The following RASSF3 variants were observed in gnomAD, a reference collection of about 807,000 sequenced individuals.
RASSF3 encodes the protein ras association domain-containing protein 3.
Under a neutral mutation model 19.9 loss-of-function variants are expected in RASSF3, and 19 were observed. The ratio of observed to expected loss-of-function variants is 0.96; its 90% CI spans 0.67 to 1.40. The LOEUF (loss-of-function observed/expected upper bound fraction) is 1.40. RASSF3 is among the 40% of genes most tolerant of loss of function. The pLI is 0.00. For missense variants in RASSF3, 306 were observed against 289.8 expected (o/e 1.06, Z -0.41); for synonymous variants, 110 against 104.2 (o/e 1.06, Z -0.34).
At chr12:64,542,769 AGCATGCTGGCAGCCCTCGCTCGCTCTTG>A (rs1264510030), downstream of RASSF3, among the ~76,000 whole-genome samples, 3 of 152,196 alleles carry the variant, frequency 2.0e-5, no homozygotes, top group Non-Finnish European at 4.4e-5. Context: ...GAGAGGTGAC[AGCATGCTGGCAGCCCTCGCTCGCTCTTG>A]GCGCCTCCTC....
chr12:64,677,113 G>C lies in RASSF3; in HGVS notation c.112-7674G>C, dbSNP rs1872935839. Among the ~76,000 whole-genome samples, 3 of 152,160 alleles carry C rather than the reference G, an allele frequency of 2.0e-5. No homozygotes were observed. In the South Asian group the frequency reaches 6.2e-4, roughly 32 times the overall value. On this transcript the variant is annotated intron_variant, in intron 1 of 4. Transcript: ENST00000542104. ...TCCTGTTTCACATCGTTTTATGTGGGGTTTTTCCTTCCTCATTCTTCATTT... is the reference window on the plus strand; with the variant it reads ...TCCTGTTTCACATCGTTTTATGTGGCGTTTTTCCTTCCTCATTCTTCATTT...
intron 1 of RASSF3, among the ~76,000 whole-genome samples, chr12:64,517,967 T>C (rs1280839105): frequency 2.0e-5 from 3 of 152,054 alleles, no homozygotes; most frequent in Non-Finnish European, 2.9e-5. Flanking sequence ...TTCTAGACAT[T>C]GGTTACTCTG....
At chr12:64,648,043 A>C (rs1871802921) in intron 1 of RASSF3, among the ~76,000 whole-genome samples, 1 of 152,222 alleles carries the variant, frequency 6.6e-6, no homozygotes, top group African/African-American at 2.4e-5. Flanking sequence ...TTTGTGTAGC[A>C]GAAGATGTTT....
chr12:64,528,269 T>C (rs1383673653), upstream of RASSF3, among the ~76,000 whole-genome samples: 3 of 152,150 alleles, frequency 2.0e-5, no homozygotes. Flanking sequence ...CACAAGACCC[T>C]GTCTCAAAAA....
At chr12:64,605,717 C>G (rs546604050), upstream of RASSF3, among the ~76,000 whole-genome samples, 1 of 152,006 alleles carries the variant, frequency 6.6e-6, no homozygotes, top group East Asian at 1.9e-4. Context: ...TGGAGAAACC[C>G]CATCTCTACT....
chr12:64,595,064 C>CTTTTTTTTTTTTTTT (rs1171762487), intron 2 of RASSF3, among the ~76,000 whole-genome samples: 2 of 90,950 alleles, frequency 2.2e-5, no homozygotes, highest in Non-Finnish European at 4.0e-5. Flanking sequence ...CATATGAAAT[C>CTTTTTTTTTTTTTTT]TTTTTTTTTT....
chr12:64,643,844 G>A (rs1320975625), intron 1 of RASSF3, among the ~76,000 whole-genome samples: 1 of 152,162 alleles, frequency 6.6e-6, no homozygotes, highest in Non-Finnish European at 1.5e-5. Context: ...TTATCTCAGA[G>A]TTTCATTTGT....
At chr12:64,570,659 T>C (rs946122539) in intron 2 of RASSF3, among the ~76,000 whole-genome samples, 24 of 152,334 alleles carry the variant, frequency 1.6e-4, no homozygotes, top group African/African-American at 5.5e-4. Flanking sequence ...AAATTGTCTT[T>C]CTAAGAGCTG....
intron 1 of RASSF3, among the ~76,000 whole-genome samples, chr12:64,512,969 A>G (rs1386733367): frequency 6.6e-6 from 1 of 152,160 alleles, no homozygotes. Context: ...GCCCTCATCC[A>G]TAAAGTGAAG....
chr12:64,688,369 A>T lies in RASSF3; in HGVS notation c.373A>T (p.Ile125Phe). The T allele has an allele frequency of 1.9e-6, 3 of 1,614,228 alleles. No homozygotes were observed. Among genetic ancestry groups the T allele is most frequent in the Middle Eastern group, 1.6e-4 (1 of 6,062 alleles). ...CAGCACAAACACTGTCGGGGAAGTGATCGAGGCCCTGCTCAAAAAGTTTCT... is the reference window on the plus strand; with the variant it reads ...CAGCACAAACACTGTCGGGGAAGTGTTCGAGGCCCTGCTCAAAAAGTTTCT... ...ISSTNTVGEV[I>F]EALLKKFLVT... is the part of the protein sequence containing the mutation. Residue 125 changes from isoleucine to phenylalanine, a missense_variant, in exon 3 of 5, where the codon ATC (isoleucine) becomes TTC (phenylalanine). By Grantham distance (21) the Ile-to-Phe change is conservative. Coordinates refer to ENST00000542104, the MANE Select transcript of RASSF3 (RefSeq NM_178169.4).
chr12:64,570,519 TG>T (rs1413269391), intron 2 of RASSF3, among the ~76,000 whole-genome samples: 1 of 152,072 alleles, frequency 6.6e-6, no homozygotes, highest in Non-Finnish European at 1.5e-5. Flanking sequence ...GCCTCTGAAA[TG>T]TGTTTTGCAT....
chr12:64,647,431 G>A (rs1272334633), intron 1 of RASSF3, among the ~76,000 whole-genome samples: 1 of 146,620 alleles, frequency 6.8e-6, no homozygotes, highest in Non-Finnish European at 1.5e-5. Context: ...TTTTTGGTGA[G>A]ACGGGGTCTT....
chr12:64,679,097 G>A (rs749759626), intron 1 of RASSF3, among the ~76,000 whole-genome samples: 3 of 152,188 alleles, frequency 2.0e-5, no homozygotes, highest in Non-Finnish European at 4.4e-5. Context: ...CAGAGTTGCT[G>A]TGTTGTCCAG....
chr12:64,694,686 G>C, intron 4 of RASSF3, 77 bp from the exon 5 acceptor site: 1 of 1,525,108 alleles, frequency 6.6e-7, no homozygotes, highest in African/African-American at 1.4e-5. Flanking sequence ...CCGCACCTCT[G>C]GGAGCTCCTG....
chr12:64,598,867 T>C (rs1386580227), intron 2 of RASSF3, among the ~76,000 whole-genome samples: 1 of 151,040 alleles, frequency 6.6e-6, no homozygotes, highest in African/African-American at 2.4e-5. Flanking sequence ...TAGGTATATC[T>C]CCTAATGCTA....
intron 1 of RASSF3, among the ~76,000 whole-genome samples, chr12:64,513,187 G>A (rs1490193269): frequency 1.3e-5 from 2 of 152,122 alleles, no homozygotes; most frequent in African/African-American, 2.4e-5. Context: ...GCTCACACCT[G>A]TAATCTCAGC....
intron 1 of RASSF3, among the ~76,000 whole-genome samples, chr12:64,631,929 C>T (rs1871182569): frequency 6.6e-6 from 1 of 152,078 alleles, no homozygotes; most frequent in Admixed American, 6.5e-5. Context: ...GACTGAGTGT[C>T]AGGGGAGTGA....
intron 1 of RASSF3, among the ~76,000 whole-genome samples, chr12:64,652,711 G>A (rs1364251914): frequency 6.6e-6 from 1 of 152,050 alleles, no homozygotes; most frequent in Non-Finnish European, 1.5e-5. Context: ...ATATATGATG[G>A]AATTATGTAG....
intron 1 of RASSF3, among the ~76,000 whole-genome samples, chr12:64,616,524 T>C (rs1870557314): frequency 6.6e-6 from 1 of 152,184 alleles, no homozygotes; most frequent in Non-Finnish European, 1.5e-5. Context: ...TGTCTTTCAA[T>C]AAAGGCCCCA....
Sources: gnomAD v4.1 joint callset for allele counts (sites outside exome capture counted in the v4.1 genomes callset) on GRCh38, gnomAD v4.1.1 for gene constraint, MANE v1.5 for transcripts, NCBI Gene and HGNC (gene_info 2026-07-23, HGNC 2026-07-21) for gene names.